The following ITPR2 variants were observed in gnomAD, a reference collection of about 807,000 sequenced individuals.
ITPR2 encodes inositol 1,4,5-trisphosphate-gated calcium channel ITPR2.
In ITPR2, 207 loss-of-function variants were observed where a neutral mutation model predicts 317.1. The ratio of observed to expected loss-of-function variants is 0.65; its 90% CI spans 0.58 to 0.73. ITPR2 has a LOEUF of 0.73. Ranked by LOEUF, ITPR2 falls within the 30% of genes least tolerant of loss-of-function variation. The pLI is 0.00. For missense variants in ITPR2, 2,613 were observed against 3,284.0 expected (o/e 0.80, Z 4.99); for synonymous variants, 1,156 against 1,149.1 (o/e 1.01, Z -0.12).
At chr12:26,585,341 A>C (rs980609918) in intron 32 of ITPR2, among the ~76,000 whole-genome samples, 1 of 152,198 alleles carries the variant, frequency 6.6e-6, no homozygotes, top group Non-Finnish European at 1.5e-5. Context: ...TCCATCATAT[A>C]GATATATAAT....
chr12:26,520,124 C>T (rs999499899), intron 37 of ITPR2, among the ~76,000 whole-genome samples: 1 of 152,160 alleles, frequency 6.6e-6, no homozygotes, highest in African/African-American at 2.4e-5. Context: ...TGTAAAATAA[C>T]TTTTAATTGA....
At chr12:26,375,761 AT>A (rs1939319410) in intron 55 of ITPR2, among the ~76,000 whole-genome samples, 1 of 152,226 alleles carries the variant, frequency 6.6e-6, no homozygotes, top group African/African-American at 2.4e-5. Context: ...CTTTGTGATC[AT>A]TTAAGAAATC....
chr12:26,709,973 T>G (rs1009413181), intron 9 of ITPR2, among the ~76,000 whole-genome samples: 8 of 152,228 alleles, frequency 5.3e-5, no homozygotes, highest in Non-Finnish European at 1.0e-4. Context: ...GCACAGTGGC[T>G]CATGCCTATA....
At position 26,483,791 on chromosome 12, in the gene ITPR2, C is replaced by A; in HGVS notation, c.5919G>T (p.Leu1973Phe). The A allele has an allele frequency of 6.2e-7, 1 of 1,614,100 alleles. No individual in the cohort carries two copies. Among genetic ancestry groups the A allele is most frequent in the South Asian group, 1.1e-5 (1 of 91,084 alleles). The change falls in exon 42 of 57, where the codon TTG (leucine) becomes TTT (phenylalanine). Residue 1973 changes from leucine to phenylalanine, a missense_variant. By Grantham distance (22) the Leu-to-Phe change is conservative. Transcript: ENST00000381340. ...CGSTTGGLGLLGLYINEKNVA... is the reference protein window; with the variant it reads ...CGSTTGGLGLFGLYINEKNVA... ...CATTCTTCTCATTGATGTAGAGACCCAACAGGCCCAGGCCACCGGTTGTAC... is the reference window on the plus strand; with the variant it reads ...CATTCTTCTCATTGATGTAGAGACCAAACAGGCCCAGGCCACCGGTTGTAC...
intron 34 of ITPR2, among the ~76,000 whole-genome samples, chr12:26,575,743 A>G (rs1945260164): frequency 6.6e-6 from 1 of 152,242 alleles, no homozygotes; most frequent in Non-Finnish European, 1.5e-5. Flanking sequence ...AGACTAATAT[A>G]GTTTCAGTAA....
At chr12:26,662,187 C>G (rs1947519589) in intron 15 of ITPR2, among the ~76,000 whole-genome samples, 1 of 152,152 alleles carries the variant, frequency 6.6e-6, no homozygotes, top group South Asian at 2.1e-4. Context: ...CAGTCTTCCT[C>G]AAGCAAATCT....
intron 55 of ITPR2, among the ~76,000 whole-genome samples, chr12:26,348,212 C>T (rs1938367301): frequency 6.6e-6 from 1 of 152,218 alleles, no homozygotes; most frequent in Non-Finnish European, 1.5e-5. Flanking sequence ...AAAAGCCACA[C>T]AAGTCACGCT....
intron 37 of ITPR2, among the ~76,000 whole-genome samples, chr12:26,524,477 T>C (rs1326521486): frequency 1.3e-5 from 2 of 152,200 alleles, no homozygotes; most frequent in Non-Finnish European, 2.9e-5. Flanking sequence ...ATATAAATAT[T>C]TACCCTTGCC....
In ITPR2 at chr12:26,398,878, C is replaced by T. The variant is rs1263312511; in HGVS notation, c.7694G>A (p.Cys2565Tyr). 1.2e-6 allele frequency: 2 copies of T among 1,609,618 alleles called. No homozygotes were observed. Among genetic ancestry groups the T allele is most frequent in the Admixed American group, 1.7e-5 (1 of 59,122 alleles). The change falls in exon 54 of 57, where the codon TGT (cysteine) becomes TAT (tyrosine). Residue 2565 changes from cysteine to tyrosine, a missense_variant and splice_region_variant. Cys to Tyr is a radical substitution (Grantham distance 194). Coordinates refer to ENST00000381340, the MANE Select transcript of ITPR2 (RefSeq NM_002223.4). The part of the protein sequence containing the change: ...EEILKTTCFI[C>Y]GLERDKFDNK... The stretch of plus-strand genomic sequence containing the variant: ...TTTAGCATCTGCCGAACACTTACCA[C>T]AGATGAAACAAGTTGTCTTTAGAAT...
chr12:26,606,544 C>CTTTTTTTTTTTT (rs10701661), intron 26 of ITPR2, among the ~76,000 whole-genome samples: 1 of 143,440 alleles, frequency 7.0e-6, no homozygotes. Flanking sequence ...TAGTTCCTCC[C>CTTTTTTTTTTTT]TTTTTTTTTT....
At chr12:26,769,157 C>T (rs978911404) in intron 2 of ITPR2, among the ~76,000 whole-genome samples, 1 of 152,130 alleles carries the variant, frequency 6.6e-6, no homozygotes, top group Non-Finnish European at 1.5e-5. Flanking sequence ...AAGCAAGGTT[C>T]CAGGAGAACA....
intron 55 of ITPR2, among the ~76,000 whole-genome samples, chr12:26,372,403 T>C (rs1346148322): frequency 1.3e-5 from 2 of 152,246 alleles, no homozygotes; most frequent in Non-Finnish European, 2.9e-5. Flanking sequence ...GTCTGTTAGA[T>C]AATGCAAAAA....
intron 1 of ITPR2, among the ~76,000 whole-genome samples, chr12:26,828,348 G>A (rs144157737): frequency 5.3e-5 from 8 of 152,282 alleles, no homozygotes; most frequent in Non-Finnish European, 8.8e-5. Flanking sequence ...ATTGTACTCC[G>A]AGGTAAAAAA....
chr12:26,780,684 A>C (rs2066165479), intron 2 of ITPR2, among the ~76,000 whole-genome samples: 1 of 152,146 alleles, frequency 6.6e-6, no homozygotes, highest in Admixed American at 6.5e-5. Flanking sequence ...CATCCAATAT[A>C]TGGCACTGTT....
intron 34 of ITPR2, among the ~76,000 whole-genome samples, chr12:26,564,823 C>T (rs1944905666): frequency 6.6e-6 from 1 of 152,152 alleles, no homozygotes; most frequent in African/African-American, 2.4e-5. Context: ...TTCCAGACTC[C>T]TAGTCTCCAA....
chr12:26,477,710 C>T (rs926704019), intron 43 of ITPR2, among the ~76,000 whole-genome samples: 2 of 152,072 alleles, frequency 1.3e-5, no homozygotes, highest in Non-Finnish European at 2.9e-5. Context: ...TCAACCATTT[C>T]TACATACAGA....
chr12:26,419,898 A>G (rs1053149600), intron 49 of ITPR2: 11 of 152,106 alleles, frequency 7.2e-5, no homozygotes, highest in African/African-American at 2.7e-4. Flanking sequence ...ATATACATAG[A>G]AAATATAAAT....
chr12:26,647,958 C>T (rs996141779), intron 21 of ITPR2, among the ~76,000 whole-genome samples: 2 of 151,950 alleles, frequency 1.3e-5, no homozygotes, highest in South Asian at 2.1e-4. Flanking sequence ...TTCTGCTGAG[C>T]GTGCCAACTA....
chr12:26,509,597 C>T (rs914576568), intron 37 of ITPR2, among the ~76,000 whole-genome samples: 4 of 152,166 alleles, frequency 2.6e-5, no homozygotes, highest in Admixed American at 2.6e-4. Context: ...TAGAATGGCA[C>T]GTTTTGAATG....
Sources: gnomAD v4.1 joint callset for allele counts (sites outside exome capture counted in the v4.1 genomes callset) on GRCh38, gnomAD v4.1.1 for gene constraint, MANE v1.5 for transcripts, NCBI Gene and HGNC (gene_info 2026-07-23, HGNC 2026-07-21) for gene names.